GNAQ: variants seen among roughly 807,000 people sequenced by gnomAD.
The protein encoded by GNAQ is guanine nucleotide-binding protein G(q) subunit alpha.
A neutral mutation model predicts 43.9 loss-of-function variants in GNAQ; 8 were observed. That is an observed-to-expected ratio of 0.18 (90% CI 0.11 to 0.33). The LOEUF (loss-of-function observed/expected upper bound fraction) is 0.33, where lower values mean the gene tolerates loss of function less well. GNAQ is among the 10% of genes least tolerant of loss of function. The probability of loss-of-function intolerance (pLI) is 1.00; values close to 1 mark genes in which losing one functional copy is unlikely to be tolerated. For synonymous variants in GNAQ, 155 were observed against 170.7 expected, an observed-to-expected ratio of 0.91 and a Z score of 0.71; for missense variants, 158 against 450.8, an observed-to-expected ratio of 0.35 and a Z score of 5.88.
intron 2 of GNAQ, among the ~76,000 whole-genome samples, chr9:77,864,141 GAAGA>G (rs751483514): frequency 3.3e-5 from 5 of 151,276 alleles, no homozygotes; most frequent in Non-Finnish European, 7.4e-5. Flanking sequence ...AGAGAGGAAG[GAAGA>G]AAGAGGGGAG....
intron 2 of GNAQ, among the ~76,000 whole-genome samples, chr9:77,903,654 G>A (rs1361304658): frequency 6.6e-6 from 1 of 152,010 alleles, no homozygotes; most frequent in African/African-American, 2.4e-5. Flanking sequence ...AGGGTGAGAA[G>A]CAAAATAATT....
intron 2 of GNAQ, among the ~76,000 whole-genome samples, chr9:77,874,104 C>CAAAAA (rs71937328): frequency 1.0e-5 from 1 of 98,968 alleles, no homozygotes; most frequent in African/African-American, 3.9e-5. Flanking sequence ...AACTCCATCT[C>CAAAAA]AAAAAAAAAA....
At chr9:77,759,519 TTTCC>T (rs748010145) in intron 5 of GNAQ, among the ~76,000 whole-genome samples, 111 of 152,278 alleles carry the variant, frequency 7.3e-4, no homozygotes, top group Non-Finnish European at 1.4e-3. Context: ...CAATGTTCAG[TTTCC>T]TTCATCAACA....
chr9:77,831,002 T>C (rs1282266787), intron 2 of GNAQ, among the ~76,000 whole-genome samples: 1 of 152,242 alleles, frequency 6.6e-6, no homozygotes, highest in South Asian at 2.1e-4. Flanking sequence ...TCAGTGAAGA[T>C]GGACACTTAC....
intron 1 of GNAQ, among the ~76,000 whole-genome samples, chr9:77,952,073 T>C (rs1587427610): frequency 6.6e-6 from 1 of 152,314 alleles, no homozygotes; most frequent in Admixed American, 6.5e-5. Flanking sequence ...CATATTCAAT[T>C]CCCTGTTCTT....
intron 1 of GNAQ, among the ~76,000 whole-genome samples, chr9:78,028,325 T>C (rs1375453538): frequency 1.3e-5 from 2 of 152,236 alleles, no homozygotes; most frequent in South Asian, 2.1e-4. Flanking sequence ...ATATATAATA[T>C]ATAAGCATAC....
At chr9:77,758,307 C>G (rs1012887592) in intron 5 of GNAQ, among the ~76,000 whole-genome samples, 1 of 152,168 alleles carries the variant, frequency 6.6e-6, no homozygotes, top group African/African-American at 2.4e-5. Context: ...ACACAGGCAT[C>G]AACATATAAG....
intron 3 of GNAQ, among the ~76,000 whole-genome samples, chr9:77,806,812 A>T (rs1209606791): frequency 6.6e-6 from 1 of 152,256 alleles, no homozygotes; most frequent in African/African-American, 2.4e-5. Context: ...CAAAGAAAAA[A>T]GGACACAAAT....
At chr9:77,871,050 T>C (rs1042628424) in intron 2 of GNAQ, among the ~76,000 whole-genome samples, 4 of 152,202 alleles carry the variant, frequency 2.6e-5, no homozygotes, top group African/African-American at 9.7e-5. Flanking sequence ...GGTTCATACA[T>C]TTGTCATAAC....
intron 3 of GNAQ, among the ~76,000 whole-genome samples, chr9:77,798,630 T>C (rs1047878007): frequency 6.6e-6 from 1 of 152,182 alleles, no homozygotes; most frequent in Non-Finnish European, 1.5e-5. Context: ...AAGTCCTCCA[T>C]ATAAAATGGA....
chr9:77,964,309 G>A (rs1823140404), intron 1 of GNAQ, among the ~76,000 whole-genome samples: 1 of 152,118 alleles, frequency 6.6e-6, no homozygotes, highest in African/African-American at 2.4e-5. Flanking sequence ...AAACGGACAA[G>A]TCTACGATTA....
At chr9:77,874,328 AT>A (rs1476898074) in intron 2 of GNAQ, among the ~76,000 whole-genome samples, 1 of 151,904 alleles carries the variant, frequency 6.6e-6, no homozygotes, top group Non-Finnish European at 1.5e-5. Context: ...CCTCCTACCT[AT>A]TTCTGGCCTA....
At chr9:77,890,181 G>A (rs1046386330) in intron 2 of GNAQ, among the ~76,000 whole-genome samples, 4 of 151,834 alleles carry the variant, frequency 2.6e-5, no homozygotes, top group Non-Finnish European at 5.9e-5. Context: ...TTGCCGATTC[G>A]CACATATCTT....
At chr9:77,798,909 T>C (rs1351074519) in intron 3 of GNAQ, among the ~76,000 whole-genome samples, 3 of 152,202 alleles carry the variant, frequency 2.0e-5, no homozygotes, top group Admixed American at 1.3e-4. Context: ...AGATTTTATA[T>C]GTAGAGATTT....
At chr9:77,970,904 GAGA>G (rs1446836802) in intron 1 of GNAQ, among the ~76,000 whole-genome samples, 2 of 152,010 alleles carry the variant, frequency 1.3e-5, no homozygotes, top group Admixed American at 1.3e-4. Flanking sequence ...GAAGAAAAGA[GAGA>G]AGAACCAAAT....
At chr9:77,850,071 C>T (rs903882415) in intron 2 of GNAQ, among the ~76,000 whole-genome samples, 1 of 152,224 alleles carries the variant, frequency 6.6e-6, no homozygotes, top group African/African-American at 2.4e-5. Flanking sequence ...AGGCTTTCAC[C>T]TAAGCTCTAG....
intron 3 of GNAQ, among the ~76,000 whole-genome samples, chr9:77,806,329 G>A (rs1370393391): frequency 3.3e-5 from 5 of 152,112 alleles, no homozygotes; most frequent in African/African-American, 1.2e-4. Flanking sequence ...AAACTGGATG[G>A]CGATGCTTAA....
intron 2 of GNAQ, among the ~76,000 whole-genome samples, chr9:77,874,202 CAGGT>C (rs1828093414): frequency 6.6e-6 from 1 of 151,978 alleles, no homozygotes; most frequent in Non-Finnish European, 1.5e-5. Flanking sequence ...GTACAGAACA[CAGGT>C]AGTCTGTGAC....
At chr9:78,029,207 T>C (rs1824018388) in intron 1 of GNAQ, among the ~76,000 whole-genome samples, 1 of 152,032 alleles carries the variant, frequency 6.6e-6, no homozygotes, top group African/African-American at 2.4e-5. Context: ...GCTGTCACTT[T>C]TCAGGCAAAT....
Sources: allele counts gnomAD v4.1 joint callset (sites outside exome capture counted in the v4.1 genomes callset), GRCh38; gene constraint gnomAD v4.1.1; transcripts MANE v1.5; gene names NCBI Gene and HGNC (gene_info 2026-07-23, HGNC 2026-07-21).